SOX6: variants seen among roughly 807,000 people sequenced by gnomAD.
SOX6 encodes SRY-box transcription factor 6, also known as transcription factor SOX-6.
A neutral mutation model predicts 97.8 loss-of-function variants in SOX6; 11 were observed. The observed-to-expected ratio is 0.11, with a 90% CI of 0.07 to 0.19. SOX6 has a LOEUF of 0.19. SOX6 is among the 10% of genes least tolerant of loss of function. SOX6 has a pLI of 1.00. For synonymous variants in SOX6, 360 were observed against 371.4 expected (o/e 0.97, Z 0.35); for missense variants, 810 against 1,039.5 (o/e 0.78, Z 3.04).
intron 9 of SOX6, among the ~76,000 whole-genome samples, chr11:16,062,051 T>A (rs1847969819): frequency 6.6e-6 from 1 of 151,688 alleles, no homozygotes; most frequent in African/African-American, 2.4e-5. Context: ...GAGACTACGT[T>A]AAACTAAAAA....
chr11:15,974,875 A>G (rs1306620428), intron 15 of SOX6, among the ~76,000 whole-genome samples: 3 of 152,194 alleles, frequency 2.0e-5, no homozygotes, highest in African/African-American at 4.8e-5. Flanking sequence ...TCATGGCCCC[A>G]TAAGTTATTA....
chr11:16,569,430 G>A (rs1025528312), intron 4 of SOX6, among the ~76,000 whole-genome samples: 4 of 152,052 alleles, frequency 2.6e-5, no homozygotes, highest in Non-Finnish European at 5.9e-5. Flanking sequence ...AAATTATTTT[G>A]GGTGCTCCAG....
At chr11:16,298,919 A>T (rs1057473407) in intron 3 of SOX6, among the ~76,000 whole-genome samples, 1 of 152,114 alleles carries the variant, frequency 6.6e-6, no homozygotes, top group African/African-American at 2.4e-5. Flanking sequence ...TAAGATACTG[A>T]ACTAATAGAG....
chr11:16,171,537 A>C (rs1447185535), intron 6 of SOX6, among the ~76,000 whole-genome samples: 1 of 152,058 alleles, frequency 6.6e-6, no homozygotes, highest in Non-Finnish European at 1.5e-5. Flanking sequence ...ATTTTTAAAT[A>C]ATATCTTTTT....
chr11:16,250,406 T>A (rs1455321340), intron 3 of SOX6, among the ~76,000 whole-genome samples: 1 of 152,108 alleles, frequency 6.6e-6, no homozygotes, highest in Non-Finnish European at 1.5e-5. Context: ...ATAAATGGAC[T>A]AAGCATGACA....
intron 3 of SOX6, among the ~76,000 whole-genome samples, chr11:16,642,820 C>CT (rs1848941465): frequency 6.6e-6 from 1 of 152,108 alleles, no homozygotes; most frequent in Non-Finnish European, 1.5e-5. Flanking sequence ...TTCATCTAAT[C>CT]TTTTTTCAAG....
intron 3 of SOX6, among the ~76,000 whole-genome samples, chr11:16,276,432 C>G (rs987174908): frequency 1.3e-5 from 2 of 152,148 alleles, no homozygotes; most frequent in African/African-American, 4.8e-5. Flanking sequence ...GTCTCCTTTG[C>G]AGCTAGGGTC....
intron 1 of SOX6, among the ~76,000 whole-genome samples, chr11:16,398,111 A>G (rs969244554): frequency 2.6e-5 from 4 of 151,512 alleles, no homozygotes; most frequent in Non-Finnish European, 5.9e-5. Flanking sequence ...TGCAAAAAAT[A>G]TAGACACCTG....
intron 2 of SOX6, among the ~76,000 whole-genome samples, chr11:16,732,128 T>A (rs1014241279): frequency 6.6e-6 from 1 of 152,202 alleles, no homozygotes; most frequent in African/African-American, 2.4e-5. Context: ...TGCTTATGAA[T>A]AGGCAGAATC....
At chr11:16,730,694 G>GCAAAAGCAAGCAAA (rs1221313813) in intron 2 of SOX6, among the ~76,000 whole-genome samples, 1 of 151,914 alleles carries the variant, frequency 6.6e-6, no homozygotes, top group African/African-American at 2.4e-5. Context: ...AACTAGAGAA[G>GCAAAAGCAAGCAAA]CAAAAGCAAG....
chr11:16,376,991 A>C (rs1161330875), intron 1 of SOX6, among the ~76,000 whole-genome samples: 1 of 152,108 alleles, frequency 6.6e-6, no homozygotes, highest in Non-Finnish European at 1.5e-5. Context: ...TCAAGAAATG[A>C]AAACCTCATA....
intron 1 of SOX6, among the ~76,000 whole-genome samples, chr11:16,351,344 T>G (rs1856941261): frequency 6.6e-6 from 1 of 152,102 alleles, no homozygotes; most frequent in African/African-American, 2.4e-5. Flanking sequence ...TCTTTAATGT[T>G]TCTTATGCTC....
At chr11:16,256,097 CA>C (rs1853673862) in intron 3 of SOX6, among the ~76,000 whole-genome samples, 1 of 151,868 alleles carries the variant, frequency 6.6e-6, no homozygotes, top group Admixed American at 6.6e-5. Flanking sequence ...AGTAACCTTC[CA>C]AAACAGAAGC....
rs138623162 is a variant in SOX6, at chr11:16,025,260, C to T, written c.1624-10210G>A. Among the ~76,000 whole-genome samples the T allele has an allele frequency of 7.1e-3, 1,078 of 152,212 alleles. 12 individuals are homozygous for T. Among genetic ancestry groups the T allele is most frequent in the African/African-American group, 0.025 (1,025 of 41,538 alleles). On this transcript the variant is annotated intron_variant, in intron 12 of 15. Coordinates refer to ENST00000683767, the MANE Select transcript of SOX6 (RefSeq NM_001367873.1). ...TTATATGTGGTTTCAACTTTTTATTCGTGTACAGAGGCATGATGCAGATTT... is the reference window on the plus strand; with the variant it reads ...TTATATGTGGTTTCAACTTTTTATTTGTGTACAGAGGCATGATGCAGATTT...
intron 3 of SOX6, among the ~76,000 whole-genome samples, chr11:16,633,141 G>A (rs886648071): frequency 2.6e-5 from 4 of 152,178 alleles, no homozygotes; most frequent in Non-Finnish European, 5.9e-5. Context: ...TATCCACCTG[G>A]ACATGGAGTT....
rs549055063 is a variant in SOX6 at position 16,514,956 on chromosome 11, C to T, written n.610-38568G>A. On this transcript the variant is annotated intron_variant and non_coding_transcript_variant, in intron 4 of 5. Transcript: ENST00000524520. ...TAATCCAGTCTATCATTGTTGGACA[C>T]TTGGGTTGGTTCCAAGTCTTTGCTA... is the stretch of plus-strand genomic sequence containing the variant. Among the ~76,000 whole-genome samples the T allele has an allele frequency of 5.3e-5, 8 of 151,890 alleles. No individual in the cohort carries two copies. The East Asian group carries it at 5.8e-4, about 11-fold the overall frequency.
intron 4 of SOX6, among the ~76,000 whole-genome samples, chr11:16,550,065 C>T (rs61615609): frequency 2.0e-5 from 3 of 152,098 alleles, no homozygotes; most frequent in African/African-American, 7.2e-5. Context: ...TGGAACCAAC[C>T]CAAATGTCCA....
chr11:16,276,993 T>A (rs1335847537), intron 3 of SOX6, among the ~76,000 whole-genome samples: 1 of 152,008 alleles, frequency 6.6e-6, no homozygotes, highest in Non-Finnish European at 1.5e-5. Flanking sequence ...AACAGTTTAA[T>A]CTAAGACATA....
intron 6 of SOX6, among the ~76,000 whole-genome samples, chr11:16,172,410 C>G (rs1851063732): frequency 1.3e-5 from 2 of 152,046 alleles, no homozygotes; most frequent in South Asian, 4.1e-4. Context: ...TGAAAGCAGG[C>G]CTTTACAGGC....
Sources: allele counts gnomAD v4.1 joint callset (sites outside exome capture counted in the v4.1 genomes callset), GRCh38; gene constraint gnomAD v4.1.1; transcripts MANE v1.5; gene names NCBI Gene and HGNC (gene_info 2026-07-23, HGNC 2026-07-21).